Variants in CDK11A observed in about 807,000 individuals in gnomAD.
CDK11A encodes cyclin-dependent kinase 11A.
CDK11A carries 55 observed loss-of-function variants against 83.6 expected under a neutral mutation model. That is an observed-to-expected ratio of 0.66 (90% CI 0.53 to 0.82). CDK11A has a LOEUF of 0.82. CDK11A is among the 40% of genes least tolerant of loss of function. The pLI, the probability that CDK11A is intolerant of heterozygous loss-of-function variation, is 0.00. For missense variants in CDK11A, 564 were observed against 810.1 expected (o/e 0.70, Z 3.69); for synonymous variants, 247 against 302.7 (o/e 0.82, Z 1.91).
Position 1,704,254 on chromosome 1 carries a change from T to C in CDK11A, c.1655A>G (p.Asn552Ser), listed in dbSNP as rs748219267. Reference protein sequence around the residue: ...WILHRDLKTSNLLLSHAGILK... With the variant: ...WILHRDLKTSSLLLSHAGILK... ...GATGCCGGCGTGGCTCAGCAGCAGG[T>C]TGGACGTCTTGAGGTCACGGTGCAG... The change falls in exon 15 of 20, where the codon AAC becomes AGC. Residue 552 changes from asparagine (N) to serine (S), a missense_variant. By Grantham distance (46) the Asn-to-Ser change is conservative. This residue lies in a region of CDK11A where 361 missense variants were observed against 402.7 expected (regional missense o/e 0.90). Coordinates refer to ENST00000404249, the MANE Select transcript of CDK11A (RefSeq NM_024011.4). 4.4e-6 allele frequency: 7 copies of C among 1,608,310 alleles called. No individual in the cohort carries two copies.
chr1:1,721,084 C>T (rs1257269361), intron 3 of CDK11A, among the ~76,000 whole-genome samples: 2 of 150,692 alleles, frequency 1.3e-5, no homozygotes, highest in Non-Finnish European at 3.0e-5. Flanking sequence ...ACCGTGTTAG[C>T]CAGGAGGCTG....
chr1:1,718,638 C>CTT lies in CDK11A; in HGVS notation c.355+688_355+689dup, dbSNP rs70937182. Among the ~76,000 whole-genome samples the CTT allele has an allele frequency of 2.8e-3, 371 of 134,714 alleles. 28 individuals are homozygous for CTT. Among genetic ancestry groups the CTT allele is most frequent in the East Asian group, 0.021 (92 of 4,454 alleles). 88.4% of individuals were successfully genotyped at this position (134,714 alleles called of 152,430 possible). On this transcript the variant is annotated intron_variant, in intron 4 of 19. Coordinates refer to ENST00000404249, the MANE Select transcript of CDK11A (RefSeq NM_024011.4). ...CACGTATGCTTTCAGCTAGAGTATT[C>CTT]TTTTTTTTTTTTTTGAGACGGAGTC...
chr1:1,718,349 G>A (rs1456002512), intron 4 of CDK11A, among the ~76,000 whole-genome samples: 1 of 149,582 alleles, frequency 6.7e-6, no homozygotes, highest in African/African-American at 2.5e-5. Flanking sequence ...TGTGACACAC[G>A]CATGCTTTCA....
intron 5 of CDK11A, among the ~76,000 whole-genome samples, chr1:1,715,570 C>A (rs1180850604): frequency 2.0e-5 from 3 of 148,256 alleles, no homozygotes; most frequent in Non-Finnish European, 4.5e-5. Flanking sequence ...GACCCCTGGG[C>A]CTCAGTGTCT....
At chr1:1,719,973 C>T (rs1049396309) in intron 3 of CDK11A, among the ~76,000 whole-genome samples, 4 of 150,562 alleles carry the variant, frequency 2.7e-5, no homozygotes, top group Admixed American at 6.7e-5. Context: ...GCAGATGGAA[C>T]GAAATGCCTC....
At chr1:1,703,754 T>C (rs11486026) in intron 17 of CDK11A, 70 bp downstream of exon 17, 143,203 of 1,578,756 alleles carry the variant, frequency 0.091, 15,924 homozygotes, top group African/African-American at 0.45. Flanking sequence ...CCAGCACCTG[T>C]GCGCCCCGCA....
chr1:1,713,873 A>T (rs1644553073), intron 5 of CDK11A, among the ~76,000 whole-genome samples: 1 of 43,242 alleles, frequency 2.3e-5, no homozygotes, highest in African/African-American at 3.9e-5. Flanking sequence ...AATGAATCCC[A>T]CCAGTCTCTG....
At position 1,706,893 on chromosome 1, in the gene CDK11A, A is replaced by C. The variant is rs180907637; in HGVS notation, c.1245+516T>G. On this transcript the variant is annotated intron_variant, in intron 11 of 19. Transcript: ENST00000404249. ...GCCGGTCTCCCAGGCCCCCGAGGCC[A>C]CTGGTACCTTCTCAGGCTTGTCCCT... 9.2e-3 allele frequency among the ~76,000 whole-genome samples: 1,367 copies of C among 149,000 alleles called. 106 individuals carry two copies. Among genetic ancestry groups the C allele is most frequent in the Admixed American group, 0.083 (1,249 of 15,076 alleles).
intron 5 of CDK11A, among the ~76,000 whole-genome samples, chr1:1,714,805 G>A (rs1476848630): frequency 1.5e-5 from 2 of 136,964 alleles, no homozygotes; most frequent in East Asian, 2.2e-4. Flanking sequence ...GTCCTTTCAC[G>A]CAGCTGCATC....
At chr1:1,720,486 T>C (rs1286931336) in intron 3 of CDK11A, among the ~76,000 whole-genome samples, 1 of 150,656 alleles carries the variant, frequency 6.6e-6, no homozygotes, top group Non-Finnish European at 1.5e-5. Flanking sequence ...CTCTGCCTCC[T>C]GTCCCAGGTT....
rs1386424629 is a variant in CDK11A at position 1,714,247 on chromosome 1, C to T, written c.489-1847G>A. The stretch of plus-strand genomic sequence containing the variant: ...CCTCTCTCCTGGAACCCCCATTCGA[C>T]GTGCTTTGGTACAGCAGATGTTGTA... On this transcript the variant is annotated intron_variant, in intron 5 of 19. Coordinates refer to ENST00000404249, the MANE Select transcript of CDK11A (RefSeq NM_024011.4). Among the ~76,000 whole-genome samples the T allele has an allele frequency of 2.2e-4, 9 of 41,134 alleles. 3 individuals carry two copies. Among genetic ancestry groups the T allele is most frequent in the Non-Finnish European group, 1.3e-4 (1 of 7,906 alleles). The allele number at this position is 41,134 out of a possible 152,430, so 27.0% of individuals were successfully genotyped here.
Position 1,703,807 on chromosome 1 carries a change from G to T in CDK11A, c.1911+17C>A, listed in dbSNP as rs183692815. On this transcript the variant is annotated intron_variant, in intron 17 of 19. Coordinates refer to ENST00000404249, the MANE Select transcript of CDK11A (RefSeq NM_024011.4). The stretch of plus-strand genomic sequence containing the variant: ...CCTCTGAAATCCATAGCGCACCTGC[G>T]GCAGGGCCAGACCCACCTTGAACAC... 3.1e-6 allele frequency: 5 copies of T among 1,608,670 alleles called. No individual in the cohort carries two copies. In the South Asian group the frequency reaches 5.5e-5, roughly 18 times the overall value.
At position 1,719,439 on chromosome 1, in the gene CDK11A, AATC is replaced by A; in HGVS notation, c.241_243del (p.Asp81del). 3 of 1,513,508 alleles carry A rather than the reference AATC, an allele frequency of 2.0e-6. No homozygotes were observed. Among genetic ancestry groups the A allele is most frequent in the Non-Finnish European group, 1.8e-6 (2 of 1,134,070 alleles). The allele number at this position is 1,513,508 out of a possible 1,614,324, so 93.8% of individuals were successfully genotyped here. A position where few individuals can be genotyped will look rare whatever the true frequency, so the allele number is the denominator to read the frequency against. The stretch of plus-strand genomic sequence containing the variant: ...TGCTGGGGTGGTTTGATGGCCAAAG[AATC>A]ATCTTCTTCTCCTCTGAAATAAAAC... On this transcript the variant is annotated inframe_deletion, in exon 4 of 20. Transcript: ENST00000404249.
rs527317953 is a variant in CDK11A, at chr1:1,718,147, A to G, written c.355+1181T>C. 7.5e-4 allele frequency among the ~76,000 whole-genome samples: 104 copies of G among 139,400 alleles called. 4 individuals carry two copies. The highest frequency in any genetic ancestry group is 1.4e-3 in the Non-Finnish European group (94 of 64,898). 91.5% of individuals were successfully genotyped at this position (139,400 alleles called of 152,430 possible). On this transcript the variant is annotated intron_variant, in intron 4 of 19. Coordinates refer to ENST00000404249, the MANE Select transcript of CDK11A (RefSeq NM_024011.4). ...CTGTGACACACGCATGCTTTCAGCT[A>G]GAGTTTGCTCTCTCTGGTTTTCGGT...
At chr1:1,706,112 A>G (rs1644298188) in intron 11 of CDK11A, among the ~76,000 whole-genome samples, 1 of 150,530 alleles carries the variant, frequency 6.6e-6, no homozygotes, top group Non-Finnish European at 1.5e-5. Context: ...TCGCTCTGTC[A>G]CCCAGGCTGG....
rs781439513 is a variant in CDK11A, at chr1:1,716,523, A to T, written c.356-45T>A. On this transcript the variant is annotated intron_variant, in intron 4 of 19. Coordinates refer to ENST00000404249, the MANE Select transcript of CDK11A (RefSeq NM_024011.4). Reference sequence around the variant, plus strand: ...CATGCAAAGAAACCTCACTTCAAAAATTTCACGAGGCCGGGCACGGTGGCT... The same window carrying T: ...CATGCAAAGAAACCTCACTTCAAAATTTTCACGAGGCCGGGCACGGTGGCT... 260 of 1,590,304 alleles carry T rather than the reference A, an allele frequency of 1.6e-4. 11 individuals carry two copies. Among genetic ancestry groups the T allele is most frequent in the Non-Finnish European group, 2.1e-4 (240 of 1,162,890 alleles).
chr1:1,706,887 G>C (rs550487824), intron 11 of CDK11A, among the ~76,000 whole-genome samples: 2 of 149,230 alleles, frequency 1.3e-5, no homozygotes, highest in East Asian at 3.9e-4. Flanking sequence ...CCAGGCCCCC[G>C]AGGCCACTGG....
chr1:1,721,559 G>A lies in CDK11A; in HGVS notation c.227+37C>T, dbSNP rs377733353. 78 of 1,592,756 alleles carry A rather than the reference G, an allele frequency of 4.9e-5. 4 individuals carry two copies. In the African/African-American group the frequency reaches 9.8e-4, roughly 20 times the overall value. On this transcript the variant is annotated intron_variant, in intron 3 of 19. Coordinates refer to ENST00000404249, the MANE Select transcript of CDK11A (RefSeq NM_024011.4). ...GAAGGACTGGCCAGGCCAGGGCTGT[G>A]TACAGTTGGGTCTTGCACATCTGTA...
chr1:1,707,403 C>T lies in CDK11A; in HGVS notation c.1245+6G>A, dbSNP rs373125196. ...ACAGCGGCCCGGGGCGAGGGGAGGG[C>T]CTGACCTGCAGGGCCGGCAGGTACT... On this transcript the variant is annotated splice_donor_region_variant and intron_variant, in intron 11 of 19. Transcript: ENST00000404249. 2 of 1,607,238 alleles carry T rather than the reference C, an allele frequency of 1.2e-6. No individual in the cohort carries two copies. Among genetic ancestry groups the T allele is most frequent in the Non-Finnish European group, 8.5e-7 (1 of 1,175,756 alleles).
Sources: gnomAD v4.1 joint callset for allele counts (sites outside exome capture counted in the v4.1 genomes callset) on GRCh38, gnomAD v4.1.1 for gene constraint, gnomAD v4.1.1 regional missense constraint, MANE v1.5 for transcripts, NCBI Gene and HGNC (gene_info 2026-07-23, HGNC 2026-07-21) for gene names.